UBR2: variants seen among roughly 807,000 people sequenced by gnomAD.
UBR2 encodes the protein ubiquitin protein ligase E3 component n-recognin 2.
A neutral mutation model predicts 247.9 loss-of-function variants in UBR2; 92 were observed. The observed-to-expected ratio is 0.37, with a 90% confidence interval of 0.31 to 0.44. The LOEUF is 0.44. Among genes scored for constraint, UBR2 ranks in the 20% least tolerant of loss-of-function variants. The probability of loss-of-function intolerance (pLI) is 1.00; values close to 1 mark genes in which losing one functional copy is unlikely to be tolerated. For missense variants in UBR2, 1,613 were observed against 2,112.6 expected (o/e 0.76, Z 4.64); for synonymous variants, 672 against 693.5 (o/e 0.97, Z 0.49).
intron 21 of UBR2, among the ~76,000 whole-genome samples, chr6:42,646,013 C>T (rs911021760): frequency 6.6e-6 from 1 of 152,130 alleles, no homozygotes; most frequent in Non-Finnish European, 1.5e-5. Context: ...AAGCTTTTTC[C>T]TTCTTGGCCT....
intron 11 of UBR2, among the ~76,000 whole-genome samples, chr6:42,631,749 T>C (rs1349407707): frequency 6.6e-6 from 1 of 150,826 alleles, no homozygotes; most frequent in Non-Finnish European, 1.5e-5. Context: ...TATAATATGC[T>C]ATCTTTTGTA....
chr6:42,690,223 AG>A (rs1009013324), intron 46 of UBR2, among the ~76,000 whole-genome samples: 39 of 152,228 alleles, frequency 2.6e-4, no homozygotes, highest in African/African-American at 8.7e-4. Flanking sequence ...AGGAGGTATA[AG>A]TTTTAACCGC....
At chr6:42,611,712 C>T (rs1177696745) in intron 7 of UBR2, among the ~76,000 whole-genome samples, 3 of 151,838 alleles carry the variant, frequency 2.0e-5, no homozygotes, top group Admixed American at 6.6e-5. Context: ...TCAAGACCAG[C>T]CTGGCTAACA....
intron 11 of UBR2, among the ~76,000 whole-genome samples, chr6:42,618,320 T>C (rs6458299): frequency 0.44 from 66,547 of 151,818 alleles, 14,614 homozygotes; most frequent in African/African-American, 0.48. Context: ...CCTGGAGGAG[T>C]AGGGTGGAGC....
At chr6:42,670,026 G>T in intron 34 of UBR2, 66 bp from the exon 35 acceptor site, 1 of 1,569,908 alleles carries the variant, frequency 6.4e-7, no homozygotes, top group South Asian at 1.1e-5. Flanking sequence ...GAGCTGTTAA[G>T]AAACCGAACC....
At chr6:42,610,230 A>G (rs990628954) in intron 7 of UBR2, among the ~76,000 whole-genome samples, 1 of 152,196 alleles carries the variant, frequency 6.6e-6, no homozygotes, top group African/African-American at 2.4e-5. Flanking sequence ...TTTGTGCACT[A>G]CTGGTAGGAA....
chr6:42,655,400 C>G (rs1797382514), intron 25 of UBR2, among the ~76,000 whole-genome samples: 2 of 150,710 alleles, frequency 1.3e-5, no homozygotes, highest in Admixed American at 1.3e-4. Context: ...ATCACTTGAA[C>G]CTGGGAGGCA....
At chr6:42,603,540 A>G (rs1793514953) in intron 4 of UBR2, 48 bp from the exon 5 acceptor site, 3 of 1,471,162 alleles carry the variant, frequency 2.0e-6, no homozygotes, top group Admixed American at 3.0e-5. Context: ...ATTAATGTAC[A>G]TGATTGCCCT....
intron 2 of UBR2, among the ~76,000 whole-genome samples, chr6:42,576,198 T>A (rs1791495098): frequency 6.6e-6 from 1 of 152,188 alleles, no homozygotes; most frequent in African/African-American, 2.4e-5. Flanking sequence ...GTTGGTGTTA[T>A]AACTCTCAGG....
intron 2 of UBR2, among the ~76,000 whole-genome samples, chr6:42,579,043 A>C (rs1415761900): frequency 6.6e-6 from 1 of 152,066 alleles, no homozygotes; most frequent in African/African-American, 2.4e-5. Flanking sequence ...TTTAAAACTG[A>C]GTGTTAGGCT....
chr6:42,658,656 A>G lies in UBR2; in HGVS notation c.3074A>G (p.Asp1025Gly), dbSNP rs1284204710. ...EGTIMEESSR[D>G]KDKAERKRKA... ...GGAGCATAATTTCAGAGTTCAAGGGACAAAGACAAAGCTGAGAGGAAGAGA... is the reference window on the plus strand; with the variant it reads ...GGAGCATAATTTCAGAGTTCAAGGGGCAAAGACAAAGCTGAGAGGAAGAGA... Residue 1025 changes from aspartate to glycine, a missense_variant, in exon 29 of 47, where the codon GAC (aspartate) becomes GGC (glycine). Asp to Gly is a moderately conservative substitution (Grantham distance 94, BLOSUM62 -1). Transcript: ENST00000372901. The G allele has an allele frequency of 1.2e-6, 2 of 1,608,922 alleles. No individual in the cohort carries two copies. Among genetic ancestry groups the G allele is most frequent in the Non-Finnish European group, 1.7e-6 (2 of 1,178,638 alleles).
At position 42,678,000 on chromosome 6, in the gene UBR2, G is replaced by A. The variant is rs116160272; in HGVS notation, c.4479-539G>A. On this transcript the variant is annotated intron_variant, in intron 40 of 46. Transcript: ENST00000372901. Reference sequence around the variant, plus strand: ...GCTGGAGCCCAGTAGTTTGAGTCCAGCCTGGACAACTTTTCATTTTCCACA... The same window carrying A: ...GCTGGAGCCCAGTAGTTTGAGTCCAACCTGGACAACTTTTCATTTTCCACA... Among the ~76,000 whole-genome samples the A allele has an allele frequency of 4.0e-3, 607 of 152,086 alleles. 1 individual carries two copies. Among genetic ancestry groups the A allele is most frequent in the African/African-American group, 0.014 (564 of 41,470 alleles).
At chr6:42,601,666 C>A (rs1240584265) in intron 4 of UBR2, among the ~76,000 whole-genome samples, 15 of 130,860 alleles carry the variant, frequency 1.1e-4, no homozygotes, top group African/African-American at 4.1e-4. Flanking sequence ...CCAGCCTGGG[C>A]GACAAGAGCG....
intron 11 of UBR2, chr6:42,619,451 A>AATTTTTTTTT (rs1554251924): frequency 1.3e-4 from 3 of 23,016 alleles, no homozygotes; most frequent in African/African-American, 3.4e-4. Flanking sequence ...ATATATATAT[A>AATTTTTTTTT]TATTTTTTTT....
intron 38 of UBR2, 63 bp from the exon 39 acceptor site, chr6:42,675,993 T>C: frequency 6.6e-7 from 1 of 1,505,258 alleles, no homozygotes; most frequent in Non-Finnish European, 8.9e-7. Flanking sequence ...AGTAAGAAGA[T>C]GGAAATTTGC....
chr6:42,602,761 CGT>C (rs35409984), intron 4 of UBR2, among the ~76,000 whole-genome samples: 22 of 145,484 alleles, frequency 1.5e-4, no homozygotes, highest in South Asian at 2.2e-4. Flanking sequence ...GCTGTGTGTG[CGT>C]GTGTGTGTGT....
chr6:42,684,417 A>G (rs974363023), intron 43 of UBR2, among the ~76,000 whole-genome samples: 1 of 151,836 alleles, frequency 6.6e-6, no homozygotes, highest in Non-Finnish European at 1.5e-5. Flanking sequence ...TCTACTAAAA[A>G]AAAAAAAATA....
chr6:42,641,504 C>T (rs746565366), intron 16 of UBR2, 78 bp from the exon 17 acceptor site: 8 of 1,021,132 alleles, frequency 7.8e-6, no homozygotes, highest in Admixed American at 5.1e-5. Context: ...TTATCTCTAT[C>T]GACCAAACTT....
At chr6:42,566,461 T>C (rs1267366721) in intron 1 of UBR2, among the ~76,000 whole-genome samples, 1 of 152,226 alleles carries the variant, frequency 6.6e-6, no homozygotes. Context: ...CTTGGCTTAC[T>C]GCAACCTCCG....
Sources: gnomAD v4.1 joint callset for allele counts (sites outside exome capture counted in the v4.1 genomes callset) on GRCh38, gnomAD v4.1.1 for gene constraint, MANE v1.5 for transcripts, NCBI Gene and HGNC (gene_info 2026-07-23, HGNC 2026-07-21) for gene names.